GRIK1: variants seen among roughly 807,000 people sequenced by gnomAD.
The protein encoded by GRIK1 is glutamate receptor ionotropic, kainate 1.
GRIK1 carries 69 observed loss-of-function variants against 105.7 expected under a neutral mutation model. The observed-to-expected ratio is 0.65, with a 90% confidence interval of 0.54 to 0.80. GRIK1 has a LOEUF of 0.80. GRIK1 is among the 30% of genes least tolerant of loss of function. The pLI is 0.00. For synonymous variants in GRIK1, 438 were observed against 431.3 expected (o/e 1.02, Z -0.19); for missense variants, 1,109 against 1,167.3 (o/e 0.95, Z 0.73).
intron 1 of GRIK1, among the ~76,000 whole-genome samples, chr21:29,721,436 G>A (rs2064318775): frequency 6.6e-6 from 1 of 152,076 alleles, no homozygotes; most frequent in Non-Finnish European, 1.5e-5. Flanking sequence ...TACACCCACA[G>A]TGGTGCAGGG....
At chr21:29,655,664 C>T (rs1445916314) in intron 4 of GRIK1, among the ~76,000 whole-genome samples, 1 of 152,102 alleles carries the variant, frequency 6.6e-6, no homozygotes, top group Non-Finnish European at 1.5e-5. Context: ...TCTCTGAAAC[C>T]TTTCTCTCTC....
rs1320507678 is a variant in GRIK1, at chr21:29,715,350, A to G, written c.119-21287T>C. ...GGTGGAAAGGGGCTTACACCATTCT[A>G]AATGTACTAGGAGGAGAGACAGGAG... On this transcript the variant is annotated intron_variant, in intron 1 of 17. Coordinates refer to ENST00000327783, the MANE Select transcript of GRIK1 (RefSeq NM_001330994.2). 3.9e-5 allele frequency among the ~76,000 whole-genome samples: 6 copies of G among 152,170 alleles called. No homozygotes were observed. In the East Asian group the frequency reaches 9.6e-4, roughly 24 times the overall value.
At chr21:29,629,194 ATGTGTGTGTG>A (rs71191120) in intron 7 of GRIK1, among the ~76,000 whole-genome samples, 2,791 of 132,654 alleles carry the variant, frequency 0.021, 37 homozygotes, top group East Asian at 0.062. Context: ...GAAAGGAGAA[ATGTGTGTGTG>A]TGTGTGTGTG....
intron 6 of GRIK1, among the ~76,000 whole-genome samples, chr21:29,649,809 T>A (rs908379626): frequency 6.6e-6 from 1 of 152,218 alleles, no homozygotes; most frequent in African/African-American, 2.4e-5. Flanking sequence ...TAGTGGTATA[T>A]ACCAAACACA....
intron 1 of GRIK1, among the ~76,000 whole-genome samples, chr21:29,916,700 A>G (rs1386686290): frequency 6.6e-6 from 1 of 151,034 alleles, no homozygotes; most frequent in Non-Finnish European, 1.5e-5. Context: ...AATCTCTTGT[A>G]AGAACTCTGT....
intron 1 of GRIK1, among the ~76,000 whole-genome samples, chr21:29,922,558 A>G (rs1354561045): frequency 6.6e-6 from 1 of 152,154 alleles, no homozygotes; most frequent in Non-Finnish European, 1.5e-5. Context: ...GCAATCTTAG[A>G]AAAAAATTAT....
At chr21:29,855,972 G>A (rs2068451392) in intron 1 of GRIK1, among the ~76,000 whole-genome samples, 1 of 152,114 alleles carries the variant, frequency 6.6e-6, no homozygotes, top group Non-Finnish European at 1.5e-5. Context: ...GGAATTGGGG[G>A]GAAACACATT....
chr21:29,677,515 C>A, intron 3 of GRIK1, among the ~76,000 whole-genome samples: 1 of 150,704 alleles, frequency 6.6e-6, no homozygotes. Flanking sequence ...TCAGATGTGA[C>A]ACAGAAAAAA....
At chr21:29,912,891 A>G (rs2070868366) in intron 1 of GRIK1, among the ~76,000 whole-genome samples, 1 of 152,094 alleles carries the variant, frequency 6.6e-6, no homozygotes, top group Non-Finnish European at 1.5e-5. Context: ...CATTCAAAAT[A>G]TACTTACTTG....
At chr21:29,727,700 G>A (rs1279741579) in intron 1 of GRIK1, among the ~76,000 whole-genome samples, 1 of 152,212 alleles carries the variant, frequency 6.6e-6, no homozygotes, top group Non-Finnish European at 1.5e-5. Context: ...AAACTGGACA[G>A]AGAACATGTC....
intron 7 of GRIK1, among the ~76,000 whole-genome samples, chr21:29,624,348 C>G (rs886591054): frequency 6.6e-6 from 1 of 152,034 alleles, no homozygotes; most frequent in African/African-American, 2.4e-5. Context: ...TTAGTACCAG[C>G]CTGTTTTCCA....
At chr21:29,918,241 T>C (rs989203646) in intron 1 of GRIK1, among the ~76,000 whole-genome samples, 3 of 152,076 alleles carry the variant, frequency 2.0e-5, no homozygotes, top group Admixed American at 6.6e-5. Flanking sequence ...TACATGCAAA[T>C]GAAGTAATAG....
intron 14 of GRIK1, among the ~76,000 whole-genome samples, chr21:29,576,620 T>G (rs1303375690): frequency 6.6e-6 from 1 of 152,332 alleles, no homozygotes; most frequent in East Asian, 1.9e-4. Flanking sequence ...TTATGGGTTC[T>G]ATAAATGAGT....
chr21:29,641,212 C>T (rs894544192), intron 7 of GRIK1, among the ~76,000 whole-genome samples: 1 of 152,136 alleles, frequency 6.6e-6, no homozygotes, highest in Non-Finnish European at 1.5e-5. Flanking sequence ...CAAATCTCAT[C>T]TCGAATTGTA....
chr21:29,746,874 C>T lies in GRIK1; in HGVS notation c.119-52811G>A, dbSNP rs371513125. 2.4e-3 allele frequency among the ~76,000 whole-genome samples: 358 copies of T among 152,094 alleles called. 1 individual carries two copies. The highest frequency in any genetic ancestry group is 8.2e-3 in the African/African-American group (339 of 41,496). Reference sequence around the variant, plus strand: ...ACAGAGAAAAAGAAAACATTTTTTCCCTACTCAAGGTACTGCCATACAAAA... The same window carrying T: ...ACAGAGAAAAAGAAAACATTTTTTCTCTACTCAAGGTACTGCCATACAAAA... On this transcript the variant is annotated intron_variant, in intron 1 of 17. Coordinates refer to ENST00000327783, the MANE Select transcript of GRIK1 (RefSeq NM_001330994.2).
chr21:29,732,208 T>C (rs2064649022), intron 1 of GRIK1, among the ~76,000 whole-genome samples: 1 of 152,164 alleles, frequency 6.6e-6, no homozygotes, highest in Non-Finnish European at 1.5e-5. Context: ...CCTGGGAAAG[T>C]TTCTCTTCCA....
At chr21:29,798,674 AAC>A (rs2066621567) in intron 1 of GRIK1, among the ~76,000 whole-genome samples, 2 of 152,222 alleles carry the variant, frequency 1.3e-5, no homozygotes, top group African/African-American at 4.8e-5. Context: ...CATTAAAAGA[AAC>A]ACTTTTCAAA....
intron 1 of GRIK1, among the ~76,000 whole-genome samples, chr21:29,823,840 C>T (rs1012940784): frequency 6.6e-6 from 1 of 151,904 alleles, no homozygotes; most frequent in Non-Finnish European, 1.5e-5. Context: ...TCTTTCAGCT[C>T]TCCCAAGCAG....
intron 6 of GRIK1, among the ~76,000 whole-genome samples, chr21:29,647,420 C>T (rs1726527415): frequency 1.3e-5 from 2 of 152,182 alleles, no homozygotes; most frequent in South Asian, 4.1e-4. Context: ...TGCCTGTTTT[C>T]TTTCATCGCT....
Sources: gnomAD v4.1 joint callset for allele counts (sites outside exome capture counted in the v4.1 genomes callset) on GRCh38, gnomAD v4.1.1 for gene constraint, MANE v1.5 for transcripts, NCBI Gene and HGNC (gene_info 2026-07-23, HGNC 2026-07-21) for gene names.